The following DIDO1 variants were observed in gnomAD, a reference collection of about 807,000 sequenced individuals.
The protein encoded by DIDO1 is death-inducer obliterator 1.
A neutral mutation model predicts 99.4 loss-of-function variants in DIDO1; 16 were observed. The ratio of observed to expected loss-of-function variants is 0.16; its 90% confidence interval spans 0.11 to 0.24. The LOEUF is 0.24. DIDO1 is among the 10% of genes least tolerant of loss of function. DIDO1 has a pLI of 1.00. For synonymous variants in DIDO1, 1,366 were observed against 1,239.1 expected, an observed-to-expected ratio of 1.10 and a Z score of -2.15; for missense variants, 2,996 against 3,014.0, an observed-to-expected ratio of 0.99 and a Z score of 0.14.
intron 6 of DIDO1, among the ~76,000 whole-genome samples, chr20:62,900,208 GC>G (rs764644268): frequency 1.3e-5 from 2 of 152,220 alleles, no homozygotes; most frequent in African/African-American, 2.4e-5. Context: ...ACACCTCTCT[GC>G]CCCTTGGTCG....
At position 62,881,194 on chromosome 20, in the gene DIDO1, C is replaced by A; in HGVS notation, c.4762G>T (p.Gly1588Cys). 6.2e-7 allele frequency: 1 copy of A among 1,607,512 alleles called. No individual in the cohort carries two copies. ...GAAGCATCTCTCTCGGGCAGGGCAC[C>A]CTGGGCACCACGTGCCGAGAGCCTG... ...LSRLSARGAQGALPERDASRG... is the reference protein window; with the variant it reads ...LSRLSARGAQCALPERDASRG... Residue 1588 changes from glycine (G) to cysteine (C), a missense_variant, in exon 16 of 16, where the codon GGT (glycine) becomes TGT (cysteine). Around this residue, in one of 5 missense-constraint regions of DIDO1, gnomAD observed 1,562 missense variants for 1,412.6 expected, o/e 1.11. Coordinates refer to ENST00000395343, the MANE Select transcript of DIDO1 (RefSeq NM_001193369.2). This position sits in a 1 kb window ranked among gnomAD's most constrained non-coding sequence, Gnocchi z 8.3.
At position 62,894,565 on chromosome 20, in the gene DIDO1, A is replaced by G; in HGVS notation, c.2437-17T>C. ...TTGCTGTTCCTAAAAAAGAAAAAGA[A>G]AAAAAAGTGAGGTCGTTTCTTCTCC... On this transcript the variant is annotated splice_polypyrimidine_tract_variant and intron_variant, in intron 10 of 15. Coordinates refer to ENST00000395343, the MANE Select transcript of DIDO1 (RefSeq NM_001193369.2). This position sits in a 1 kb window ranked among gnomAD's most constrained non-coding sequence, Gnocchi z 4.4. The G allele has an allele frequency of 6.3e-7, 1 of 1,598,986 alleles. No individual in the cohort carries two copies. Among genetic ancestry groups the G allele is most frequent in the East Asian group, 2.2e-5 (1 of 44,738 alleles).
chr20:62,936,532 G>A (rs1403659810), intron 1 of DIDO1, among the ~76,000 whole-genome samples: 1 of 150,616 alleles, frequency 6.6e-6, no homozygotes, highest in Non-Finnish European at 1.5e-5. Context: ...TCCAGCCTGG[G>A]CAACAAAGTG....
Position 62,881,498 on chromosome 20 carries a change from G to C in DIDO1, c.4458C>G (p.Ile1486Met). The C allele has an allele frequency of 6.2e-7, 1 of 1,610,726 alleles. No individual in the cohort carries two copies. The highest frequency in any genetic ancestry group is 8.5e-7 in the Non-Finnish European group (1 of 1,179,992). Residue 1486 changes from isoleucine to methionine, a missense_variant, in exon 16 of 16, where the codon ATC becomes ATG. Physicochemically the swap from Ile to Met is conservative, Grantham distance 10. Coordinates refer to ENST00000395343, the MANE Select transcript of DIDO1 (RefSeq NM_001193369.2). The surrounding 1 kb of genome is among the most constrained non-coding windows in gnomAD (Gnocchi z 8.3). ...QKMLEELNKQ[I>M]EEQKRQLEEQ... ...CCTCCAGCTGTCTCTTCTGCTCCTC[G>C]ATCTGTTTGTTCAGCTCTTCTAGCA...
In DIDO1 at chr20:62,907,197, T is replaced by C; in HGVS notation, c.1324A>G (p.Lys442Glu). Reference protein sequence around the residue: ...GKEQKPKPKEKMKMKPEKPSL... With the variant: ...GKEQKPKPKEEMKMKPEKPSL... ...GGCTTCTCTGGCTTCATCTTCATCTTTTCTTTAGGCTTTGGCTTCTGTTCT... is the reference window on the plus strand; with the variant it reads ...GGCTTCTCTGGCTTCATCTTCATCTCTTCTTTAGGCTTTGGCTTCTGTTCT... The change falls in exon 5 of 16, where the codon AAG becomes GAG. Residue 442 changes from lysine (K) to glutamate (E), a missense_variant. Lys to Glu is a moderately conservative substitution (Grantham distance 56, BLOSUM62 1). This residue lies in a region of DIDO1 where 898 missense variants were observed against 972.7 expected (regional missense o/e 0.92). Coordinates refer to ENST00000395343, the MANE Select transcript of DIDO1 (RefSeq NM_001193369.2). 2 of 1,614,274 alleles carry C rather than the reference T, an allele frequency of 1.2e-6. No individual in the cohort carries two copies. The highest frequency in any genetic ancestry group is 2.2e-5 in the East Asian group (1 of 44,882).
chr20:62,906,196 C>T (rs1014047900), intron 5 of DIDO1, 96 bp from the exon 6 acceptor site: 26 of 1,481,676 alleles, frequency 1.8e-5, no homozygotes, highest in Non-Finnish European at 2.3e-5. Context: ...CCAATGTCTT[C>T]CTGAGGCCAT....
chr20:62,904,695 C>T (rs2064758935), intron 6 of DIDO1, among the ~76,000 whole-genome samples: 2 of 140,798 alleles, frequency 1.4e-5, no homozygotes, highest in South Asian at 4.5e-4. Flanking sequence ...GTAGGAGAAT[C>T]ATTTGAACCC....
chr20:62,890,975 G>C lies in DIDO1; in HGVS notation c.3526C>G (p.Pro1176Ala). 6.2e-7 allele frequency: 1 copy of C among 1,614,080 alleles called. No homozygotes were observed. Among genetic ancestry groups the C allele is most frequent in the East Asian group, 2.2e-5 (1 of 44,876 alleles). Residue 1176 changes from proline (P) to alanine (A), a missense_variant, in exon 15 of 16, where the codon CCC becomes GCC. Pro to Ala is a conservative substitution (Grantham distance 27). This residue lies in a region of DIDO1 where 135 missense variants were observed against 202.3 expected (regional missense o/e 0.67). Coordinates refer to ENST00000395343, the MANE Select transcript of DIDO1 (RefSeq NM_001193369.2). ...CGGCGCTTACCTGGTCCCTCAAAGG[G>C]CAAGAGTTTGGATGGAACAGGGTCC... ...AQDPVPSKLL[P>A]FEGPGLESPR... is the part of the protein sequence containing the mutation.
chr20:62,884,173 G>A (rs76364384), intron 15 of DIDO1, among the ~76,000 whole-genome samples: 6,962 of 151,120 alleles, frequency 0.046, 549 homozygotes, highest in African/African-American at 0.16. Context: ...TGGACGACGC[G>A]CACTGGGGGT....
At chr20:62,929,700 T>A (rs971515989), upstream of DIDO1, among the ~76,000 whole-genome samples, 15 of 121,212 alleles carry the variant, frequency 1.2e-4, no homozygotes, top group African/African-American at 5.3e-4. Flanking sequence ...AAAGTGTATA[T>A]ATATATATAT....
intron 6 of DIDO1, chr20:62,905,607 A>G (rs2064784611): frequency 6.4e-7 from 1 of 1,552,018 alleles, no homozygotes; most frequent in East Asian, 2.4e-5. Context: ...AGAGCCTGAG[A>G]GTGAAAACAG....
intron 3 of DIDO1, 36 bp downstream of exon 3, chr20:62,910,738 C>A (rs756139985): frequency 1.9e-6 from 3 of 1,586,276 alleles, no homozygotes; most frequent in East Asian, 2.3e-5. Flanking sequence ...CTGTTTGCAA[C>A]CCTGGGATTT....
chr20:62,895,260 G>A (rs946590950), intron 8 of DIDO1, 95 bp from the exon 9 acceptor site: 63 of 1,195,282 alleles, frequency 5.3e-5, no homozygotes, highest in Non-Finnish European at 7.3e-5. Context: ...AAGTTTAGCG[G>A]GCACAGGACA....
At chr20:62,921,936 A>G (rs781310622) in intron 1 of DIDO1, among the ~76,000 whole-genome samples, 34 of 150,464 alleles carry the variant, frequency 2.3e-4, no homozygotes, top group Non-Finnish European at 4.0e-4. Flanking sequence ...TGTCCAAAAT[A>G]TATATACACT....
chr20:62,897,067 A>T, intron 6 of DIDO1, 71 bp from the exon 7 acceptor site: 1 of 1,426,684 alleles, frequency 7.0e-7, no homozygotes, highest in Non-Finnish European at 9.4e-7. Flanking sequence ...TCTAAAAAGC[A>T]GACTTACCCT....
chr20:62,879,912 G>T lies in DIDO1; in HGVS notation c.6044C>A (p.Ala2015Asp). ...TPSRFHFQGQ[A>D]PQVMKPGPRP... ...GGGGCCCGGCTTCATCACCTGCGGG[G>T]CCTGGCCCTGGAAGTGAAATCGCGA... is the stretch of plus-strand genomic sequence containing the variant. The change falls in exon 16 of 16, where the codon GCC (alanine) becomes GAC (aspartate). Residue 2015 changes from alanine to aspartate, a missense_variant. This residue lies in a region of DIDO1 where 1,562 missense variants were observed against 1,412.6 expected (regional missense o/e 1.11). Coordinates refer to ENST00000395343, the MANE Select transcript of DIDO1 (RefSeq NM_001193369.2). This position sits in a 1 kb window ranked among gnomAD's most constrained non-coding sequence, Gnocchi z 6.3. 6.3e-7 allele frequency: 1 copy of T among 1,592,170 alleles called. No homozygotes were observed. Among genetic ancestry groups the T allele is most frequent in the Non-Finnish European group, 8.5e-7 (1 of 1,171,328 alleles).
intron 15 of DIDO1, among the ~76,000 whole-genome samples, chr20:62,886,071 G>A (rs1042773098): frequency 2.6e-5 from 4 of 152,230 alleles, no homozygotes; most frequent in African/African-American, 9.6e-5. Flanking sequence ...CACGAAGCTG[G>A]CACCAGCCAG....
At chr20:62,925,468 T>C (rs2065234434) in intron 1 of DIDO1, among the ~76,000 whole-genome samples, 1 of 152,182 alleles carries the variant, frequency 6.6e-6, no homozygotes, top group African/African-American at 2.4e-5. Flanking sequence ...TTCCCTCCTC[T>C]AAGTCCCTGA....
intron 13 of DIDO1, 42 bp downstream of exon 13, chr20:62,892,767 A>G (rs750002346): frequency 7.0e-6 from 11 of 1,575,750 alleles, no homozygotes; most frequent in South Asian, 1.1e-5. Context: ...AGAAACTCCT[A>G]TGAAAGACAC....
Sources: allele counts gnomAD v4.1 joint callset (sites outside exome capture counted in the v4.1 genomes callset), GRCh38; gene constraint gnomAD v4.1.1; regional missense constraint gnomAD v4.1.1; non-coding constraint Gnocchi (gnomAD v3.1); transcripts MANE v1.5; gene names NCBI Gene and HGNC (gene_info 2026-07-23, HGNC 2026-07-21).